The following EHBP1 variants were observed in gnomAD, a reference collection of about 807,000 sequenced individuals.
EHBP1 encodes the protein EH domain binding protein 1.
A neutral mutation model predicts 144.0 loss-of-function variants in EHBP1; 55 were observed. The ratio of observed to expected loss-of-function variants is 0.38; its 90% CI spans 0.31 to 0.48. The LOEUF (loss-of-function observed/expected upper bound fraction) is 0.48. Among genes scored for constraint, EHBP1 ranks in the 20% least tolerant of loss-of-function variants. The probability of loss-of-function intolerance (pLI) is 0.98; values close to 1 mark genes in which losing one functional copy is unlikely to be tolerated. For synonymous variants in EHBP1, 469 were observed against 472.7 expected (o/e 0.99, Z 0.10); for missense variants, 1,200 against 1,364.2 (o/e 0.88, Z 1.90).
At chr2:63,012,641 G>A (rs1343092987) in intron 19 of EHBP1, among the ~76,000 whole-genome samples, 1 of 152,052 alleles carries the variant, frequency 6.6e-6, no homozygotes, top group East Asian at 1.9e-4. Flanking sequence ...CCTCATTTCA[G>A]AGGCACTAAT....
chr2:62,695,642 TA>T, intron 1 of EHBP1, among the ~76,000 whole-genome samples: 1 of 152,212 alleles, frequency 6.6e-6, no homozygotes, highest in Non-Finnish European at 1.5e-5. Context: ...GAGAACATTT[TA>T]AAGATTATGG....
chr2:62,686,054 G>A (rs2033708029), intron 1 of EHBP1, among the ~76,000 whole-genome samples: 1 of 152,208 alleles, frequency 6.6e-6, no homozygotes, highest in Admixed American at 6.5e-5. Context: ...TTCTGAGGGA[G>A]ATGTATGGGA....
rs544631255 is a variant in EHBP1 at position 62,948,678 on chromosome 2, G to T, written c.1832G>T (p.Arg611Met). 2 of 1,613,956 alleles carry T rather than the reference G, an allele frequency of 1.2e-6. No homozygotes were observed. Among genetic ancestry groups the T allele is most frequent in the African/African-American group, 2.7e-5 (2 of 75,018 alleles). Reference sequence around the variant, plus strand: ...AGCACAGCCTCCCCTTACTGTCGCAGGACTAAAAGTGACACAGAACCCCAG... The same window carrying T: ...AGCACAGCCTCCCCTTACTGTCGCATGACTAAAAGTGACACAGAACCCCAG... Reference protein sequence around the residue: ...SPSTASPYCRRTKSDTEPQKS... With the variant: ...SPSTASPYCRMTKSDTEPQKS... The change falls in exon 13 of 23, where the codon AGG becomes ATG. Residue 611 changes from arginine to methionine, a missense_variant. Transcript: ENST00000431489.
chr2:62,982,668 C>T lies in EHBP1; in HGVS notation c.2608+3333C>T, dbSNP rs551339428. ...TGGAGAACTAGGGTAGGAAGATTTTCGAAGCAGTAGTCCAGAGTGATAAAA... is the reference window on the plus strand; with the variant it reads ...TGGAGAACTAGGGTAGGAAGATTTTTGAAGCAGTAGTCCAGAGTGATAAAA... On this transcript the variant is annotated intron_variant, in intron 15 of 22. Coordinates refer to ENST00000431489, the MANE Select transcript of EHBP1 (RefSeq NM_001142616.3). Among the ~76,000 whole-genome samples, 78 of 152,194 alleles carry T rather than the reference C, an allele frequency of 5.1e-4. 1 individual carries two copies. The highest frequency in any genetic ancestry group is 1.8e-3 in the African/African-American group (74 of 41,534).
At chr2:62,814,385 G>A (rs985911562) in intron 5 of EHBP1, among the ~76,000 whole-genome samples, 1 of 152,240 alleles carries the variant, frequency 6.6e-6, no homozygotes, top group African/African-American at 2.4e-5. Flanking sequence ...GCCCTCCAGA[G>A]CTGTGAGAAA....
At chr2:62,764,245 G>T (rs2040996421) in intron 3 of EHBP1, 21 bp from the exon 4 acceptor site, 1 of 1,506,042 alleles carries the variant, frequency 6.6e-7, no homozygotes, top group South Asian at 1.3e-5. Flanking sequence ...CATATTGAAG[G>T]TATCATTTTT....
intron 10 of EHBP1, among the ~76,000 whole-genome samples, chr2:62,911,266 T>C (rs963835655): frequency 2.0e-5 from 3 of 152,166 alleles, no homozygotes; most frequent in Non-Finnish European, 2.9e-5. Context: ...GCTTATCTTA[T>C]AGGACTGTAG....
chr2:62,845,268 C>G (rs41363353), intron 7 of EHBP1, among the ~76,000 whole-genome samples: 17,337 of 152,120 alleles, frequency 0.11, 1,333 homozygotes, highest in Non-Finnish European at 0.16. Context: ...TCAGAATCTT[C>G]CCATCCAGAT....
At chr2:62,759,448 T>C (rs569358138) in intron 3 of EHBP1, among the ~76,000 whole-genome samples, 12 of 152,270 alleles carry the variant, frequency 7.9e-5, no homozygotes, top group African/African-American at 2.6e-4. Flanking sequence ...CTCTGTCATC[T>C]AGGCTGGAGT....
At position 62,830,080 on chromosome 2, in the gene EHBP1, C is replaced by T. The variant is rs180769894; in HGVS notation, c.495-939C>T. Among the ~76,000 whole-genome samples the T allele has an allele frequency of 1.3e-4, 19 of 150,264 alleles. No individual in the cohort carries two copies. In the East Asian group the frequency reaches 2.0e-3, roughly 15 times the overall value. On this transcript the variant is annotated intron_variant, in intron 6 of 22. Coordinates refer to ENST00000431489, the MANE Select transcript of EHBP1 (RefSeq NM_001142616.3). The stretch of plus-strand genomic sequence containing the variant: ...GGCACAATTTGCAATTGCAAAAATA[C>T]GGAACCAGCCTAAAAGCTCATTGAC...
intron 5 of EHBP1, among the ~76,000 whole-genome samples, chr2:62,778,295 T>C (rs907088452): frequency 6.6e-6 from 1 of 152,070 alleles, no homozygotes; most frequent in Non-Finnish European, 1.5e-5. Flanking sequence ...TCTTAACACT[T>C]TGGGAGCCCG....
chr2:63,029,996 G>C (rs1392360037), intron 19 of EHBP1, among the ~76,000 whole-genome samples: 3 of 152,150 alleles, frequency 2.0e-5, no homozygotes, highest in East Asian at 1.9e-4. Context: ...CTCCCAAAGT[G>C]CTGGGATTAC....
chr2:62,751,738 T>C lies in EHBP1; in HGVS notation c.162+4286T>C, dbSNP rs181977333. On this transcript the variant is annotated intron_variant, in intron 3 of 22. Transcript: ENST00000431489. ...GAGGGTGTATGTGTCCAGGAATTTA[T>C]GCATTTCTTCTAGATTTTCTAGTTT... Among the ~76,000 whole-genome samples the C allele has an allele frequency of 1.4e-4, 22 of 152,358 alleles. No individual in the cohort carries two copies. The East Asian group carries it at 4.2e-3, about 29-fold the overall frequency.
At chr2:62,994,075 T>C (rs1465263989) in intron 18 of EHBP1, 98 bp downstream of exon 18, 1 of 802,980 alleles carries the variant, frequency 1.2e-6, no homozygotes, top group East Asian at 2.9e-5. Context: ...TTAGGTTTTT[T>C]AAGATGTCAA....
In EHBP1 at chr2:62,765,915, A is replaced by T. The variant is rs1423844218; in HGVS notation, c.258+1554A>T. ...GGAAAAGCTCTTTCAACCTTTATAT[A>T]CAATTCTTTTTCTCCTTAAAACCAG... On this transcript the variant is annotated intron_variant, in intron 4 of 22. Transcript: ENST00000431489. 2.0e-5 allele frequency among the ~76,000 whole-genome samples: 3 copies of T among 152,080 alleles called. No homozygotes were observed. The South Asian group carries it at 6.2e-4, about 32-fold the overall frequency.
chr2:62,905,730 A>G (rs2053756459), intron 10 of EHBP1, among the ~76,000 whole-genome samples: 1 of 152,086 alleles, frequency 6.6e-6, no homozygotes, highest in African/African-American at 2.4e-5. Context: ...AGGCTGAGGC[A>G]TGAGAATCAC....
intron 3 of EHBP1, among the ~76,000 whole-genome samples, chr2:62,748,722 A>G (rs1051797842): frequency 1.3e-5 from 2 of 152,126 alleles, no homozygotes; most frequent in South Asian, 2.1e-4. Flanking sequence ...AATGACCACA[A>G]GAATGTTTAT....
At chr2:62,686,915 CT>C (rs2033738195) in intron 1 of EHBP1, among the ~76,000 whole-genome samples, 1 of 152,172 alleles carries the variant, frequency 6.6e-6, no homozygotes, top group Non-Finnish European at 1.5e-5. Context: ...GTTCTAGGTA[CT>C]TTACATAAGT....
chr2:62,815,505 A>G (rs1486016441), intron 5 of EHBP1, among the ~76,000 whole-genome samples: 1 of 152,230 alleles, frequency 6.6e-6, no homozygotes, highest in Non-Finnish European at 1.5e-5. Flanking sequence ...ATTATGCTGC[A>G]TTGCAAAGGA....
Sources: gnomAD v4.1 joint callset for allele counts (sites outside exome capture counted in the v4.1 genomes callset) on GRCh38, gnomAD v4.1.1 for gene constraint, MANE v1.5 for transcripts, NCBI Gene and HGNC (gene_info 2026-07-23, HGNC 2026-07-21) for gene names.